ADGRL3: variants seen among roughly 807,000 people sequenced by gnomAD.
The protein encoded by ADGRL3 is calcium-independent alpha-latrotoxin receptor 3.
In ADGRL3, 62 loss-of-function variants were observed where a neutral mutation model predicts 153.5. That is an observed-to-expected ratio of 0.40 (90% CI 0.33 to 0.50). ADGRL3 has a LOEUF of 0.50. Among genes scored for constraint, ADGRL3 ranks in the 20% least tolerant of loss-of-function variants. The pLI, the probability that ADGRL3 is intolerant of heterozygous loss-of-function variation, is 0.47. For missense variants in ADGRL3, 1,641 were observed against 1,859.4 expected, an observed-to-expected ratio of 0.88 and a Z score of 2.16; for synonymous variants, 710 against 672.5, an observed-to-expected ratio of 1.06 and a Z score of -0.86.
intron 6 of ADGRL3, among the ~76,000 whole-genome samples, chr4:61,698,298 A>C (rs1451127098): frequency 1.3e-5 from 2 of 152,008 alleles, no homozygotes; most frequent in African/African-American, 2.4e-5. Context: ...AAAAATACAA[A>C]AAAATTAGCC....
chr4:61,377,096 C>T (rs570716452), intron 1 of ADGRL3, among the ~76,000 whole-genome samples: 21 of 152,154 alleles, frequency 1.4e-4, no homozygotes, highest in South Asian at 1.2e-3. Flanking sequence ...CACCTCAGCA[C>T]GGGTTCTTCC....
chr4:61,238,267 A>G (rs912804012), intron 1 of ADGRL3, among the ~76,000 whole-genome samples: 1 of 152,150 alleles, frequency 6.6e-6, no homozygotes, highest in African/African-American at 2.4e-5. Flanking sequence ...TTATTAAAAT[A>G]CTTATTCACT....
In ADGRL3 at chr4:62,070,563, T is replaced by A. The variant is rs943156104; in HGVS notation, c.4287T>A (p.Ser1429Arg). The A allele has an allele frequency of 6.5e-7, 1 of 1,544,660 alleles. No homozygotes were observed. Among genetic ancestry groups the A allele is most frequent in the Admixed American group, 2.0e-5 (1 of 49,520 alleles). The change falls in exon 27 of 27, where the codon AGT (serine) becomes AGA (arginine). Residue 1429 changes from serine to arginine, a missense_variant. Ser to Arg is a moderately radical substitution (Grantham distance 110, BLOSUM62 -1). This residue lies in a region of ADGRL3 where 517 missense variants were observed against 555.0 expected (regional missense o/e 0.93). Transcript: ENST00000683033. The part of the protein sequence containing the change: ...YTRRRIPQDH[S>R]ESFFPLLTNE... ...GAAGGCGGATCCCCCAAGACCACAG[T>A]GAGAGCTTTTTCCCTTTGCTAACCA...
Position 61,935,146 on chromosome 4 carries a change from C to CT in ADGRL3, c.2296+128dup, listed in dbSNP as rs890102208. On this transcript the variant is annotated intron_variant, in intron 14 of 26. Transcript: ENST00000683033. ...TTTATTTCAATGGAGAAAAGTCATT[C>CT]TTTTTCTAAAATAAAGAGGGCATCA... The CT allele has an allele frequency of 2.2e-5, 17 of 773,526 alleles. No individual in the cohort carries two copies. In the African/African-American group the frequency reaches 2.4e-4, roughly 11 times the overall value. 47.9% of individuals were successfully genotyped at this position (773,526 alleles called of 1,614,324 possible). A position where few individuals can be genotyped will look rare whatever the true frequency, so the allele number is the denominator to read the frequency against.
intron 8 of ADGRL3, among the ~76,000 whole-genome samples, chr4:61,746,095 T>G (rs2096656510): frequency 6.6e-6 from 1 of 151,682 alleles, no homozygotes; most frequent in Non-Finnish European, 1.5e-5. Flanking sequence ...CCAACAAAGA[T>G]CAAAGAGACA....
At chr4:61,553,104 A>G (rs1452661369) in intron 4 of ADGRL3, among the ~76,000 whole-genome samples, 1 of 152,212 alleles carries the variant, frequency 6.6e-6, no homozygotes, top group Non-Finnish European at 1.5e-5. Context: ...ACTTTTAGAA[A>G]TAAGCATAGT....
intron 5 of ADGRL3, among the ~76,000 whole-genome samples, chr4:61,591,920 T>TA (rs1245721437): frequency 6.6e-6 from 1 of 151,396 alleles, no homozygotes; most frequent in Non-Finnish European, 1.5e-5. Context: ...CTACAAAAAA[T>TA]AAAAAGTTAG....
chr4:62,057,795 A>G (rs1737870261), intron 25 of ADGRL3, among the ~76,000 whole-genome samples: 1 of 152,100 alleles, frequency 6.6e-6, no homozygotes, highest in Non-Finnish European at 1.5e-5. Context: ...CTCCTGCCTC[A>G]GCCTCCTGAG....
chr4:61,734,641 A>G (rs139596913), intron 8 of ADGRL3, among the ~76,000 whole-genome samples: 255 of 152,266 alleles, frequency 1.7e-3, no homozygotes, highest in African/African-American at 6.0e-3. Context: ...ATGTGGGGAT[A>G]TGGTGATTAC....
chr4:61,417,415 G>T (rs898942072), intron 2 of ADGRL3, among the ~76,000 whole-genome samples: 2 of 151,934 alleles, frequency 1.3e-5, no homozygotes, highest in African/African-American at 4.8e-5. Context: ...TTGAACCCAG[G>T]AGGTCGAGGT....
chr4:61,831,307 T>G (rs2097865003), intron 9 of ADGRL3, among the ~76,000 whole-genome samples: 1 of 150,548 alleles, frequency 6.6e-6, no homozygotes. Context: ...AGAAAGTCAT[T>G]AACTTCTCTG....
chr4:61,547,003 C>A (rs2098716819), intron 4 of ADGRL3, among the ~76,000 whole-genome samples: 1 of 152,108 alleles, frequency 6.6e-6, no homozygotes, highest in Non-Finnish European at 1.5e-5. Context: ...ATAACAGATA[C>A]AAGAGTTCAT....
rs144696857 is a variant in ADGRL3 at position 61,617,309 on chromosome 4, C to A, written c.473+29869C>A. On this transcript the variant is annotated intron_variant, in intron 5 of 26. Coordinates refer to ENST00000683033, the MANE Select transcript of ADGRL3 (RefSeq NM_001387552.1). ...GTATGTTATTCAAGACAAATGGTAGCCTTTAGAATTTTTGGTGATTGATTT... is the reference window on the plus strand; with the variant it reads ...GTATGTTATTCAAGACAAATGGTAGACTTTAGAATTTTTGGTGATTGATTT... Among the ~76,000 whole-genome samples, 146 of 152,098 alleles carry A rather than the reference C, an allele frequency of 9.6e-4. 2 individuals carry two copies. Among genetic ancestry groups the A allele is most frequent in the South Asian group, 1.2e-3 (6 of 4,808 alleles).
At chr4:61,743,635 A>T (rs1053296303) in intron 8 of ADGRL3, among the ~76,000 whole-genome samples, 3 of 152,196 alleles carry the variant, frequency 2.0e-5, no homozygotes, top group African/African-American at 7.2e-5. Context: ...GAAAGTTAAG[A>T]CTTCTGTATT....
chr4:61,234,230 G>A (rs1044860239), intron 1 of ADGRL3, among the ~76,000 whole-genome samples: 5 of 152,034 alleles, frequency 3.3e-5, no homozygotes, highest in Admixed American at 1.3e-4. Context: ...CATGGTTAGG[G>A]CGGCCTCAGA....
intron 5 of ADGRL3, among the ~76,000 whole-genome samples, chr4:61,661,992 C>G (rs1041016559): frequency 6.6e-6 from 1 of 152,214 alleles, no homozygotes; most frequent in African/African-American, 2.4e-5. Flanking sequence ...CTTCTTACTT[C>G]TGAAAAGCAG....
chr4:61,597,149 T>C (rs2149473674), intron 5 of ADGRL3, among the ~76,000 whole-genome samples: 1 of 152,260 alleles, frequency 6.6e-6, no homozygotes, highest in South Asian at 2.1e-4. Context: ...CTATTAGTAC[T>C]ATCAATCTTT....
At chr4:61,416,539 T>A (rs1181952786) in intron 2 of ADGRL3, among the ~76,000 whole-genome samples, 1 of 152,222 alleles carries the variant, frequency 6.6e-6, no homozygotes, top group East Asian at 1.9e-4. Context: ...GCTTCCTATT[T>A]GCAACAAGCC....
At chr4:61,250,064 C>G (rs1023019642) in intron 1 of ADGRL3, among the ~76,000 whole-genome samples, 4 of 152,132 alleles carry the variant, frequency 2.6e-5, no homozygotes, top group African/African-American at 7.2e-5. Flanking sequence ...TGCATTGTCT[C>G]CCTTCTATAA....
Sources: allele counts gnomAD v4.1 joint callset (sites outside exome capture counted in the v4.1 genomes callset), GRCh38; gene constraint gnomAD v4.1.1; regional missense constraint gnomAD v4.1.1; transcripts MANE v1.5; gene names NCBI Gene and HGNC (gene_info 2026-07-23, HGNC 2026-07-21).